Variants in ACTR3C observed in about 807,000 individuals in gnomAD.
ACTR3C encodes actin related protein 3C.
Under a neutral mutation model 26.3 loss-of-function variants are expected in ACTR3C, and 18 were observed. The observed-to-expected ratio is 0.68, with a 90% CI of 0.47 to 1.01. The LOEUF is 1.01. Among genes scored for constraint, ACTR3C ranks in the 50% least tolerant of loss-of-function variants. The probability of loss-of-function intolerance (pLI) is 0.00; values close to 1 mark genes in which losing one functional copy is unlikely to be tolerated. For missense variants in ACTR3C, 184 were observed against 250.7 expected (o/e 0.73, Z 1.80); for synonymous variants, 55 against 94.5 (o/e 0.58, Z 2.42).
the ACTR3C span, among the ~76,000 whole-genome samples, chr7:149,979,587 C>A: frequency 2.0e-5 from 3 of 152,168 alleles, no homozygotes; most frequent in East Asian, 5.8e-4. Flanking sequence ...GTACCTTGAT[C>A]TTTCCACTCA....
the ACTR3C span, among the ~76,000 whole-genome samples, chr7:149,924,384 G>A: frequency 6.6e-6 from 1 of 151,948 alleles, no homozygotes; most frequent in African/African-American, 2.4e-5. Context: ...TCAAAAAAAT[G>A]AATACAAAGA....
At chr7:150,030,264 CTATT>C in the ACTR3C span, among the ~76,000 whole-genome samples, 1 of 140,334 alleles carries the variant, frequency 7.1e-6, no homozygotes, top group Admixed American at 7.3e-5. Context: ...ATGTGGCTGG[CTATT>C]TAAATTTAAA....
chr7:150,067,400 G>A, the ACTR3C span, among the ~76,000 whole-genome samples: 1 of 152,208 alleles, frequency 6.6e-6, no homozygotes, highest in Non-Finnish European at 1.5e-5. Flanking sequence ...ACAGATATGT[G>A]TGCATTCTGG....
the ACTR3C span, among the ~76,000 whole-genome samples, chr7:150,039,151 G>A: frequency 1.3e-5 from 2 of 151,026 alleles, no homozygotes; most frequent in African/African-American, 4.9e-5. Flanking sequence ...TCCTAAGCCG[G>A]TGGGGGAAGA....
At position 150,257,096 on chromosome 7, in the gene ACTR3C, G is replaced by T. The variant is rs2533269; in HGVS notation, c.565-8042C>A. The stretch of plus-strand genomic sequence containing the variant: ...GAATACTCAGAAAAATCAAAACATA[G>T]TTTGTACTAAAACAAAATGAGTATG... On this transcript the variant is annotated intron_variant, in intron 6 of 7. Transcript: ENST00000683684. 5.4e-3 allele frequency among the ~76,000 whole-genome samples: 823 copies of T among 152,252 alleles called. 6 individuals carry two copies. Among genetic ancestry groups the T allele is most frequent in the African/African-American group, 0.019 (775 of 41,540 alleles).
At chr7:150,206,373 C>CA in the ACTR3C span, among the ~76,000 whole-genome samples, 2 of 152,078 alleles carry the variant, frequency 1.3e-5, no homozygotes, top group South Asian at 4.2e-4. Context: ...TCCTGTGTTT[C>CA]AAATAGGAGA....
chr7:150,191,536 A>G, the ACTR3C span, among the ~76,000 whole-genome samples: 8 of 152,232 alleles, frequency 5.3e-5, no homozygotes, highest in Admixed American at 5.2e-4. Flanking sequence ...ATAGAAAAAC[A>G]ATTAATTTTT....
chr7:150,135,989 G>A, the ACTR3C span, among the ~76,000 whole-genome samples: 10 of 152,070 alleles, frequency 6.6e-5, no homozygotes, highest in Non-Finnish European at 1.0e-4. Context: ...TCACAGACAC[G>A]AAACCCTGTC....
At chr7:150,178,087 C>T in the ACTR3C span, among the ~76,000 whole-genome samples, 3 of 150,354 alleles carry the variant, frequency 2.0e-5, no homozygotes, top group Non-Finnish European at 2.9e-5. Context: ...GGACACAATG[C>T]CTTATCACCA....
chr7:149,951,428 T>C, the ACTR3C span, among the ~76,000 whole-genome samples: 2 of 147,798 alleles, frequency 1.4e-5, no homozygotes. Flanking sequence ...ACCCAAGAGT[T>C]TGGCTGGGCT....
chr7:150,227,244 A>T, the ACTR3C span, among the ~76,000 whole-genome samples: 1 of 151,682 alleles, frequency 6.6e-6, no homozygotes, highest in Non-Finnish European at 1.5e-5. Context: ...TTATTTCTCC[A>T]GTCTAAGGGA....
intron 6 of ACTR3C, among the ~76,000 whole-genome samples, chr7:150,284,284 T>TTG (rs1363959857): frequency 2.0e-5 from 3 of 152,224 alleles, no homozygotes; most frequent in African/African-American, 7.2e-5. Flanking sequence ...CTCATGTCTG[T>TTG]AATCCCAGCA....
chr7:150,071,258 G>A, the ACTR3C span, among the ~76,000 whole-genome samples: 1 of 151,550 alleles, frequency 6.6e-6, no homozygotes, highest in East Asian at 1.9e-4. Context: ...CAAGTAGCTG[G>A]GACTACAGGC....
the ACTR3C span, among the ~76,000 whole-genome samples, chr7:150,029,471 G>A: frequency 6.6e-6 from 1 of 151,436 alleles, no homozygotes. Flanking sequence ...ACAGGCTGAG[G>A]CAGGAAGATC....
intron 1 of ACTR3C, among the ~76,000 whole-genome samples, chr7:150,306,925 CT>C (rs1323883568): frequency 6.6e-6 from 1 of 152,190 alleles, no homozygotes; most frequent in Non-Finnish European, 1.5e-5. Context: ...AAATGATGAA[CT>C]GGAACTACAT....
At chr7:150,178,034 T>C in the ACTR3C span, among the ~76,000 whole-genome samples, 1 of 150,648 alleles carries the variant, frequency 6.6e-6, no homozygotes, top group African/African-American at 2.5e-5. Flanking sequence ...ACACAACAAA[T>C]TTTATGTTAT....
the ACTR3C span, among the ~76,000 whole-genome samples, chr7:150,038,178 T>G: frequency 7.0e-6 from 1 of 142,998 alleles, no homozygotes; most frequent in Non-Finnish European, 1.5e-5. Context: ...GTTCAGGTTT[T>G]GCCCAAGAAT....
chr7:150,041,331 T>C, the ACTR3C span: 1 of 150,922 alleles, frequency 6.6e-6, no homozygotes, highest in Admixed American at 6.6e-5. Flanking sequence ...TCCGGTAGAT[T>C]GCAAATAACC....
chr7:150,008,395 C>T, the ACTR3C span, among the ~76,000 whole-genome samples: 194 of 152,334 alleles, frequency 1.3e-3, no homozygotes, highest in Middle Eastern at 6.8e-3. Context: ...ACACTCCAGC[C>T]GGAGCCGCAC....
Sources: gnomAD v4.1 joint callset for allele counts (sites outside exome capture counted in the v4.1 genomes callset) on GRCh38, gnomAD v4.1.1 for gene constraint, MANE v1.5 for transcripts, NCBI Gene and HGNC (gene_info 2026-07-23, HGNC 2026-07-21) for gene names.